The following CSNK1G1 variants were observed in gnomAD, a reference collection of about 807,000 sequenced individuals.
CSNK1G1 encodes the protein casein kinase I isoform gamma-1.
In CSNK1G1, 22 loss-of-function variants were observed where a neutral mutation model predicts 59.6. The observed-to-expected ratio is 0.37, with a 90% CI of 0.26 to 0.53. CSNK1G1 has a LOEUF of 0.53. CSNK1G1 is among the 20% of genes least tolerant of loss of function. The pLI is 0.89. For missense variants in CSNK1G1, 384 were observed against 519.5 expected, an observed-to-expected ratio of 0.74 and a Z score of 2.54; for synonymous variants, 179 against 177.1, an observed-to-expected ratio of 1.01 and a Z score of -0.08.
chr15:64,251,353 C>T (rs1892072325), intron 4 of CSNK1G1, 159 bp downstream of exon 4: 1 of 551,532 alleles, frequency 1.8e-6, no homozygotes, highest in African/African-American at 1.9e-5. Flanking sequence ...AACCAGAGCG[C>T]AAGTAGCTTT....
chr15:64,297,016 G>A (rs996331415), intron 2 of CSNK1G1, among the ~76,000 whole-genome samples: 2 of 142,018 alleles, frequency 1.4e-5, no homozygotes, highest in African/African-American at 2.7e-5. Context: ...TAAACCTGGA[G>A]CCCAAAGAAA....
intron 10 of CSNK1G1, among the ~76,000 whole-genome samples, chr15:64,198,482 A>T (rs1567368277): frequency 6.6e-6 from 1 of 152,004 alleles, no homozygotes; most frequent in Non-Finnish European, 1.5e-5. Context: ...CTGGGATTAC[A>T]CGTGTGAGCC....
chr15:64,277,898 A>G (rs1006469285), intron 2 of CSNK1G1, among the ~76,000 whole-genome samples: 2 of 140,602 alleles, frequency 1.4e-5, no homozygotes, highest in East Asian at 4.1e-4. Context: ...TAATATATTG[A>G]TATTGATATA....
intron 1 of CSNK1G1, among the ~76,000 whole-genome samples, chr15:64,337,860 T>C (rs1897470546): frequency 6.6e-6 from 1 of 152,178 alleles, no homozygotes; most frequent in Non-Finnish European, 1.5e-5. Context: ...GTCTTTGAAT[T>C]TGTCTATCCT....
chr15:64,320,210 A>C (rs1282056842), intron 1 of CSNK1G1, among the ~76,000 whole-genome samples: 2 of 151,958 alleles, frequency 1.3e-5, no homozygotes, highest in Admixed American at 6.6e-5. Context: ...TATTCTCTAG[A>C]TAATTCCACC....
At chr15:64,304,255 C>T (rs1199416822) in intron 1 of CSNK1G1, among the ~76,000 whole-genome samples, 3 of 151,110 alleles carry the variant, frequency 2.0e-5, no homozygotes, top group Non-Finnish European at 3.0e-5. Context: ...TGGTGGTAGG[C>T]GCCTGTAATC....
intron 2 of CSNK1G1, among the ~76,000 whole-genome samples, chr15:64,276,051 G>A (rs1893595421): frequency 6.6e-6 from 1 of 152,140 alleles, no homozygotes; most frequent in East Asian, 1.9e-4. Context: ...AAATGAGAGT[G>A]CTTCTAACAT....
At chr15:64,202,384 A>G (rs2082119872) in intron 10 of CSNK1G1, among the ~76,000 whole-genome samples, 2 of 151,938 alleles carry the variant, frequency 1.3e-5, no homozygotes, top group Non-Finnish European at 2.9e-5. Flanking sequence ...TCTGTGCGAC[A>G]GGTCTTTTTT....
intron 4 of CSNK1G1, among the ~76,000 whole-genome samples, chr15:64,231,568 T>C (rs1390210214): frequency 6.6e-6 from 1 of 151,702 alleles, no homozygotes; most frequent in Non-Finnish European, 1.5e-5. Context: ...ATCTCTTTAA[T>C]AAATGCATGA....
intron 2 of CSNK1G1, among the ~76,000 whole-genome samples, chr15:64,275,587 T>A (rs1893563804): frequency 6.6e-6 from 1 of 152,152 alleles, no homozygotes; most frequent in South Asian, 2.1e-4. Context: ...GAAAAACTTA[T>A]TAAAGCTTAA....
At chr15:64,314,619 A>G (rs576025742) in intron 1 of CSNK1G1, among the ~76,000 whole-genome samples, 2 of 150,216 alleles carry the variant, frequency 1.3e-5, no homozygotes, top group East Asian at 1.9e-4. Flanking sequence ...CCCTTTAACC[A>G]TGGTCTCACC....
rs374823472 is a variant in CSNK1G1 at position 64,187,487 on chromosome 15, C to T, written c.1108-7033G>A. On this transcript the variant is annotated intron_variant, in intron 10 of 11. Transcript: ENST00000303052. ...AGTGCTGTGATTACAGGAGCTACCACGCCCAGCCTCAATCCATCATTTTAA... is the reference window on the plus strand; with the variant it reads ...AGTGCTGTGATTACAGGAGCTACCATGCCCAGCCTCAATCCATCATTTTAA... Among the ~76,000 whole-genome samples, 19 of 152,110 alleles carry T rather than the reference C, an allele frequency of 1.2e-4. No individual in the cohort carries two copies. In the East Asian group the frequency reaches 1.7e-3, roughly 14 times the overall value.
intron 1 of CSNK1G1, among the ~76,000 whole-genome samples, chr15:64,332,729 A>C (rs1003069551): frequency 4.0e-5 from 6 of 148,682 alleles, no homozygotes; most frequent in Non-Finnish European, 8.9e-5. Context: ...AATTTAAAAA[A>C]AAACAAAAAC....
chr15:64,212,918 A>G (rs2082266337), intron 6 of CSNK1G1, among the ~76,000 whole-genome samples: 1 of 152,114 alleles, frequency 6.6e-6, no homozygotes, highest in South Asian at 2.1e-4. Context: ...AGGCAGGAGA[A>G]TTGCTTGAAC....
chr15:64,260,369 G>A (rs1334661250), intron 2 of CSNK1G1, among the ~76,000 whole-genome samples: 2 of 151,460 alleles, frequency 1.3e-5, no homozygotes, highest in Non-Finnish European at 2.9e-5. Flanking sequence ...CGGAATATAT[G>A]TGCGTGAAAA....
At chr15:64,201,633 C>A (rs534298706) in intron 10 of CSNK1G1, among the ~76,000 whole-genome samples, 1 of 151,888 alleles carries the variant, frequency 6.6e-6, no homozygotes, top group Non-Finnish European at 1.5e-5. Flanking sequence ...TTCTTACCCA[C>A]CAAACCACAT....
intron 4 of CSNK1G1, among the ~76,000 whole-genome samples, chr15:64,236,191 A>G (rs2082614851): frequency 1.3e-5 from 2 of 152,042 alleles, no homozygotes; most frequent in Non-Finnish European, 2.9e-5. Flanking sequence ...ATAGTGAGGA[A>G]AAGTTGAGCT....
intron 4 of CSNK1G1, among the ~76,000 whole-genome samples, chr15:64,242,186 T>C (rs1891500043): frequency 6.6e-6 from 1 of 152,190 alleles, no homozygotes; most frequent in Non-Finnish European, 1.5e-5. Context: ...TTATGAGTGA[T>C]AAGACTGAAG....
chr15:64,298,769 G>C (rs572410243), intron 2 of CSNK1G1, among the ~76,000 whole-genome samples: 4 of 151,996 alleles, frequency 2.6e-5, no homozygotes, highest in African/African-American at 9.6e-5. Flanking sequence ...TAGTGGCTCA[G>C]CCTGTAATCC....
Sources: allele counts gnomAD v4.1 joint callset (sites outside exome capture counted in the v4.1 genomes callset), GRCh38; gene constraint gnomAD v4.1.1; transcripts MANE v1.5; gene names NCBI Gene and HGNC (gene_info 2026-07-23, HGNC 2026-07-21).